The following PRKN variants were observed in gnomAD, a reference collection of about 807,000 sequenced individuals.
PRKN encodes E3 ubiquitin-protein ligase parkin.
In PRKN, 56 loss-of-function variants were observed where a neutral mutation model predicts 59.5. That is an observed-to-expected ratio of 0.94 (90% CI 0.76 to 1.18). The LOEUF is 1.18. Ranked by LOEUF, PRKN falls within the 50% of genes most tolerant of loss-of-function variation. The pLI, the probability that PRKN is intolerant of heterozygous loss-of-function variation, is 0.00. For missense variants in PRKN, 657 were observed against 596.4 expected, an observed-to-expected ratio of 1.10 and a Z score of -1.06; for synonymous variants, 250 against 222.1, an observed-to-expected ratio of 1.13 and a Z score of -1.12.
intron 2 of PRKN, among the ~76,000 whole-genome samples, chr6:162,338,415 G>A (rs1017671908): frequency 2.0e-5 from 3 of 152,128 alleles, no homozygotes; most frequent in African/African-American, 7.2e-5. Flanking sequence ...GGCACGCGCC[G>A]CCATGCCTGA....
At chr6:162,406,539 G>T (rs766058008) in intron 2 of PRKN, among the ~76,000 whole-genome samples, 3 of 152,150 alleles carry the variant, frequency 2.0e-5, no homozygotes, top group Non-Finnish European at 4.4e-5. Flanking sequence ...AATATTCTAT[G>T]AAACACAATT....
intron 2 of PRKN, among the ~76,000 whole-genome samples, chr6:162,301,785 G>A (rs963299740): frequency 8.6e-6 from 1 of 116,440 alleles, no homozygotes; most frequent in South Asian, 2.8e-4. Context: ...GGCCGGGGCG[G>A]GGGGGGGGTG....
chr6:162,354,597 G>A (rs1185322817), intron 2 of PRKN, among the ~76,000 whole-genome samples: 1 of 152,036 alleles, frequency 6.6e-6, no homozygotes, highest in Admixed American at 6.6e-5. Context: ...GCTAGAGTAA[G>A]TGTATGGCAA....
chr6:161,394,058 T>C (rs1289064413), intron 9 of PRKN, among the ~76,000 whole-genome samples: 3 of 152,104 alleles, frequency 2.0e-5, no homozygotes, highest in African/African-American at 7.2e-5. Context: ...AGAGAGGAAG[T>C]CTCCCTATGA....
chr6:161,602,330 TA>T (rs898173487), intron 7 of PRKN, among the ~76,000 whole-genome samples: 17 of 152,062 alleles, frequency 1.1e-4, no homozygotes, highest in African/African-American at 2.2e-4. Context: ...ACTTAAGCTA[TA>T]AAAAAAACCT....
intron 1 of PRKN, among the ~76,000 whole-genome samples, chr6:162,708,705 C>T (rs1343023870): frequency 6.6e-6 from 1 of 152,218 alleles, no homozygotes; most frequent in African/African-American, 2.4e-5. Context: ...AACCCCATTC[C>T]AGGCACCTTC....
intron 4 of PRKN, among the ~76,000 whole-genome samples, chr6:162,133,759 G>A (rs1407739084): frequency 6.6e-6 from 1 of 152,118 alleles, no homozygotes; most frequent in African/African-American, 2.4e-5. Flanking sequence ...CCATGTGGCC[G>A]GTGTGCATTC....
At chr6:162,652,235 G>C (rs1162299312) in intron 1 of PRKN, among the ~76,000 whole-genome samples, 1 of 152,140 alleles carries the variant, frequency 6.6e-6, no homozygotes, top group Non-Finnish European at 1.5e-5. Context: ...TGTCTAGCTT[G>C]CCTTTACAAA....
At chr6:161,963,921 G>A (rs903434428) in intron 6 of PRKN, among the ~76,000 whole-genome samples, 1 of 152,108 alleles carries the variant, frequency 6.6e-6, no homozygotes. Flanking sequence ...AGACTTGGAG[G>A]CAGCTCTGTA....
At chr6:162,247,020 C>G (rs541244446) in intron 3 of PRKN, among the ~76,000 whole-genome samples, 14 of 151,974 alleles carry the variant, frequency 9.2e-5, no homozygotes, top group African/African-American at 3.4e-4. Flanking sequence ...GTTATACATA[C>G]TATAGAATGG....
At position 162,028,669 on chromosome 6, in the gene PRKN, G is replaced by A. The variant is rs151248285; in HGVS notation, c.618+25422C>T. 3.7e-4 allele frequency among the ~76,000 whole-genome samples: 57 copies of A among 152,316 alleles called. No homozygotes were observed. In the East Asian group the frequency reaches 9.5e-3, roughly 25 times the overall value. On this transcript the variant is annotated intron_variant, in intron 5 of 11. Coordinates refer to ENST00000366898, the MANE Select transcript of PRKN (RefSeq NM_004562.3). Reference sequence around the variant, plus strand: ...TGGAGCAGTGAATGGAGGGAAGGACGCTGTCCAAAGCCACACAGAGCCCAG... The same window carrying A: ...TGGAGCAGTGAATGGAGGGAAGGACACTGTCCAAAGCCACACAGAGCCCAG...
intron 2 of PRKN, among the ~76,000 whole-genome samples, chr6:162,414,709 T>TGA (rs373871165): frequency 2.2e-5 from 1 of 44,542 alleles, no homozygotes; most frequent in Non-Finnish European, 3.7e-5. Context: ...AGACTCCGTC[T>TGA]CAAAAAAAAA....
At chr6:162,657,711 T>C (rs993352125) in intron 1 of PRKN, among the ~76,000 whole-genome samples, 4 of 152,122 alleles carry the variant, frequency 2.6e-5, no homozygotes, top group African/African-American at 9.7e-5. Flanking sequence ...CACTGAAAAT[T>C]AGTGGAAGAC....
chr6:162,660,339 G>C (rs938780858), intron 1 of PRKN, among the ~76,000 whole-genome samples: 1 of 152,104 alleles, frequency 6.6e-6, no homozygotes, highest in African/African-American at 2.4e-5. Flanking sequence ...AAGCATGCAA[G>C]AGGCTCACTT....
chr6:162,105,696 G>A (rs558888445), intron 4 of PRKN, among the ~76,000 whole-genome samples: 2 of 152,118 alleles, frequency 1.3e-5, no homozygotes, highest in Admixed American at 6.6e-5. Context: ...CACTGCACCC[G>A]GCCCAGATAT....
At chr6:162,456,669 A>C (rs897335739) in intron 1 of PRKN, among the ~76,000 whole-genome samples, 2 of 152,188 alleles carry the variant, frequency 1.3e-5, no homozygotes, top group Non-Finnish European at 2.9e-5. Context: ...CCTAGGGGAA[A>C]AATACAGGGT....
At chr6:161,876,951 A>G (rs1794753037) in intron 6 of PRKN, among the ~76,000 whole-genome samples, 1 of 152,052 alleles carries the variant, frequency 6.6e-6, no homozygotes, top group African/African-American at 2.4e-5. Context: ...TTGATTTGCC[A>G]TTTTTCAGAA....
At chr6:161,832,073 T>C (rs182913384) in intron 6 of PRKN, among the ~76,000 whole-genome samples, 184 of 152,330 alleles carry the variant, frequency 1.2e-3, no homozygotes, top group African/African-American at 4.1e-3. Context: ...GACACATTAC[T>C]AGATTCACAT....
chr6:162,611,477 C>A (rs1782149255), intron 1 of PRKN, among the ~76,000 whole-genome samples: 1 of 152,148 alleles, frequency 6.6e-6, no homozygotes, highest in Non-Finnish European at 1.5e-5. Flanking sequence ...TATAACCATT[C>A]ACAGAGTAAA....
Sources: gnomAD v4.1 joint callset for allele counts (sites outside exome capture counted in the v4.1 genomes callset) on GRCh38, gnomAD v4.1.1 for gene constraint, MANE v1.5 for transcripts, NCBI Gene and HGNC (gene_info 2026-07-23, HGNC 2026-07-21) for gene names.